Variants in PAF1 observed in about 807,000 individuals in gnomAD.
The protein encoded by PAF1 is PAF1 component of Paf1/RNA polymerase II complex, also known as RNA polymerase II-associated factor 1 homolog.
Under a neutral mutation model 68.4 loss-of-function variants are expected in PAF1, and 31 were observed. That is an observed-to-expected ratio of 0.45 (90% CI 0.34 to 0.61). The LOEUF is 0.61. Among genes scored for constraint, PAF1 ranks in the 20% least tolerant of loss-of-function variants. The pLI, the probability that PAF1 is intolerant of heterozygous loss-of-function variation, is 0.01. For synonymous variants in PAF1, 256 were observed against 240.5 expected (o/e 1.06, Z -0.60); for missense variants, 435 against 692.9 (o/e 0.63, Z 4.18).
chr19:39,387,629 C>G (rs1016833795), intron 11 of PAF1, among the ~76,000 whole-genome samples: 12 of 152,184 alleles, frequency 7.9e-5, no homozygotes, highest in Admixed American at 5.9e-4. Context: ...AACTCTACAC[C>G]AGAGGTGCTG....
rs370482806 is a variant in PAF1 at position 39,388,870 on chromosome 19, G to C, written c.637-5C>G. ...AGCACATGGATTGATCCACATCTAG[G>C]GAGATGGAGGCACTGGGGTTAGATG... On this transcript the variant is annotated splice_region_variant and splice_polypyrimidine_tract_variant and intron_variant, in intron 8 of 13. Coordinates refer to ENST00000221265, the MANE Select transcript of PAF1 (RefSeq NM_019088.4). The C allele has an allele frequency of 1.1e-5, 18 of 1,613,112 alleles. No individual in the cohort carries two copies. Among genetic ancestry groups the C allele is most frequent in the Admixed American group, 8.3e-5 (5 of 59,998 alleles).
intron 11 of PAF1, among the ~76,000 whole-genome samples, chr19:39,387,469 G>A (rs2078278000): frequency 6.6e-6 from 1 of 152,210 alleles, no homozygotes; most frequent in Non-Finnish European, 1.5e-5. Flanking sequence ...CACAGCAACA[G>A]TGGGCTGGAA....
intron 1 of PAF1, among the ~76,000 whole-genome samples, chr19:39,390,519 T>G (rs759936786): frequency 2.0e-5 from 3 of 152,192 alleles, no homozygotes; most frequent in Non-Finnish European, 4.4e-5. Flanking sequence ...CTCAATCCCT[T>G]TTGCAGGAGA....
At position 39,385,672 on chromosome 19, in the gene PAF1, A is replaced by G. The variant is rs977101106; in HGVS notation, c.*319T>C. 5.5e-5 allele frequency: 20 copies of G among 361,164 alleles called. No individual in the cohort carries two copies. The highest frequency in any genetic ancestry group is 1.5e-4 in the African/African-American group (7 of 45,868). The allele number at this position is 361,164 out of a possible 1,614,324, so 22.4% of individuals were successfully genotyped here. ...GTTTAATGGTCTGGGCTTATTTTGGAAAAAAAAAAAACAAACAAAAAAAAC... is the reference window on the plus strand; with the variant it reads ...GTTTAATGGTCTGGGCTTATTTTGGGAAAAAAAAAAACAAACAAAAAAAAC... On this transcript the variant is annotated 3_prime_UTR_variant, in exon 14 of 14. Coordinates refer to ENST00000221265, the MANE Select transcript of PAF1 (RefSeq NM_019088.4).
At position 39,390,283 on chromosome 19, in the gene PAF1, A is replaced by C; in HGVS notation, c.54T>G (p.Asn18Lys). The C allele has an allele frequency of 6.2e-7, 1 of 1,612,348 alleles. No homozygotes were observed. The highest frequency in any genetic ancestry group is 8.5e-7 in the Non-Finnish European group (1 of 1,178,956). Residue 18 changes from asparagine (N) to lysine (K), a missense_variant, in exon 2 of 14, where the codon AAT becomes AAG. By Grantham distance (94) the Asn-to-Lys change is moderately conservative. This residue lies in a region of PAF1 where 38 missense variants were observed against 33.9 expected (regional missense o/e 1.12). Transcript: ENST00000221265. The stretch of plus-strand genomic sequence containing the variant: ...ACCTCTCAGGCAGAGTCCGGTGGGA[A>C]TTGGGCCTAGTGGAGAAGAAAGAAA... ...QAQREDGHRP[N>K]SHRTLPERSG...
chr19:39,389,264 T>C lies in PAF1; in HGVS notation c.461+18A>G. On this transcript the variant is annotated intron_variant, in intron 6 of 13. Transcript: ENST00000221265. This position sits in a 1 kb window ranked among gnomAD's most constrained non-coding sequence, Gnocchi z 5.3. ...ACCTAATATCTCCACCTTCCCTCTC[T>C]TCCTGTTAGTAACTTACTTGACCTC... The C allele has an allele frequency of 6.2e-7, 1 of 1,611,722 alleles. No individual in the cohort carries two copies. The highest frequency in any genetic ancestry group is 1.3e-5 in the African/African-American group (1 of 74,998).
At position 39,389,347 on chromosome 19, in the gene PAF1, T is replaced by C; in HGVS notation, c.396A>G (p.Arg132=). The part of the protein sequence containing the change: ...QQHAKVVPWM[R]KTEYISTEFN... ...ACTCAGTGGAGATGTACTCTGTCTTTCGCATCCATGGCACCACCTTCGCGT... is the reference window on the plus strand; with the variant it reads ...ACTCAGTGGAGATGTACTCTGTCTTCCGCATCCATGGCACCACCTTCGCGT... Residue 132 remains arginine, a synonymous_variant, in exon 6 of 14, where the codon CGA becomes CGG. Coordinates refer to ENST00000221265, the MANE Select transcript of PAF1 (RefSeq NM_019088.4). The surrounding 1 kb of genome is among the most constrained non-coding windows in gnomAD (Gnocchi z 5.3). 1 of 1,614,178 alleles carries C rather than the reference T, an allele frequency of 6.2e-7. No individual in the cohort carries two copies. Among genetic ancestry groups the C allele is most frequent in the South Asian group, 1.1e-5 (1 of 91,080 alleles).
chr19:39,391,065 C>G lies in PAF1; in HGVS notation c.-201G>C, dbSNP rs1160980891. On this transcript the variant is annotated 5_prime_UTR_variant, in exon 1 of 14. Transcript: ENST00000221265. ...GTGAACGCGCAGGCAGCACCGGGGA[C>G]GGACTCGAAGCTCCGGTTCCACCAA... 3 of 633,680 alleles carry G rather than the reference C, an allele frequency of 4.7e-6. No individual in the cohort carries two copies. The East Asian group carries it at 8.4e-5, about 18-fold the overall frequency. 39.3% of individuals were successfully genotyped at this position (633,680 alleles called of 1,614,324 possible).
chr19:39,385,712 G>A lies in PAF1; in HGVS notation c.*279C>T, dbSNP rs939517612. 2.3e-5 allele frequency: 12 copies of A among 523,270 alleles called. No homozygotes were observed. The highest frequency in any genetic ancestry group is 7.3e-5 in the Admixed American group (2 of 27,508). 32.4% of individuals were successfully genotyped at this position (523,270 alleles called of 1,614,324 possible). On this transcript the variant is annotated 3_prime_UTR_variant, in exon 14 of 14. Transcript: ENST00000221265. ...ACAAAAAAAACGAATTCTGACCTTC[G>A]TTGTGCTACATTTTGTGGGAAACCA...
At chr19:39,387,187 C>A (rs1256076253) in intron 11 of PAF1, 2 of 435,928 alleles carry the variant, frequency 4.6e-6, no homozygotes, top group Non-Finnish European at 9.1e-6. Context: ...GCCTATTGCT[C>A]CTAGGCTACA....
At position 39,386,600 on chromosome 19, in the gene PAF1, G is replaced by A; in HGVS notation, c.1093-28C>T. The A allele has an allele frequency of 6.2e-7, 1 of 1,611,742 alleles. No homozygotes were observed. The highest frequency in any genetic ancestry group is 2.2e-5 in the East Asian group (1 of 44,872). On this transcript the variant is annotated intron_variant, in intron 12 of 13. Coordinates refer to ENST00000221265, the MANE Select transcript of PAF1 (RefSeq NM_019088.4). This position sits in a 1 kb window ranked among gnomAD's most constrained non-coding sequence, Gnocchi z 6.1. ...GGAAGCAGCAAGATTGGAATGAGGG[G>A]AAGGAGGGTGTTCTGCTGGGTTTTT...
At position 39,388,398 on chromosome 19, in the gene PAF1, T is replaced by C; in HGVS notation, c.927A>G (p.Glu309=). The C allele has an allele frequency of 6.2e-7, 1 of 1,614,126 alleles. No homozygotes were observed. The highest frequency in any genetic ancestry group is 1.7e-5 in the Admixed American group (1 of 60,004). Residue 309 remains glutamate (E), a synonymous_variant, in exon 11 of 14, where the codon GAA becomes GAG. Transcript: ENST00000221265. ...CCTCTCGGAAGATGAAGAAGTAGTT[T>C]TCCTCATAGCCCTTGCTAGCTTTGT... ...VKNKASKGYE[E]NYFFIFREGD...
In PAF1 at chr19:39,385,877, G is replaced by A. The variant is rs1388203992; in HGVS notation, c.*114C>T. The A allele has an allele frequency of 1.4e-6, 2 of 1,465,280 alleles. No individual in the cohort carries two copies. Among genetic ancestry groups the A allele is most frequent in the Middle Eastern group, 3.5e-4 (2 of 5,672 alleles). 90.8% of individuals were successfully genotyped at this position (1,465,280 alleles called of 1,614,324 possible). ...TAAAGAGAAGTTGACTTTATTAACA[G>A]CAAAGGTTTGGGGGTGGGGAACAAA... On this transcript the variant is annotated 3_prime_UTR_variant, in exon 14 of 14. Transcript: ENST00000221265.
At position 39,390,911 on chromosome 19, in the gene PAF1, G is replaced by GGGGGACGCAGAGGGGCGTGCCGACTTCA; in HGVS notation, c.-75_-48dup. 2 of 1,548,846 alleles carry GGGGGACGCAGAGGGGCGTGCCGACTTCA rather than the reference G, an allele frequency of 1.3e-6. No homozygotes were observed. The highest frequency in any genetic ancestry group is 1.7e-6 in the Non-Finnish European group (2 of 1,143,848). On this transcript the variant is annotated 5_prime_UTR_variant, in exon 1 of 14. Coordinates refer to ENST00000221265, the MANE Select transcript of PAF1 (RefSeq NM_019088.4). ...CGGACGGGGTCCTAGCGGGACCGAA[G>GGGGGACGCAGAGGGGCGTGCCGACTTCA]GGGGACGCAGAGGGGCGTGCCGACT...
In PAF1 at chr19:39,386,306, C is replaced by T; in HGVS notation, c.1281G>A (p.Glu427=). The T allele has an allele frequency of 1.2e-6, 2 of 1,614,174 alleles. No homozygotes were observed. The highest frequency in any genetic ancestry group is 1.7e-6 in the Non-Finnish European group (2 of 1,180,032). ...CACCACTGCCACTCTTGTCACTGGC[C>T]TCGTCCCTGTCACCTTCCTCCCGTT... The part of the protein sequence containing the change: ...ESEREEGDRD[E]ASDKSGSGED... Residue 427 remains glutamate, a synonymous_variant, in exon 14 of 14, where the codon GAG becomes GAA. Coordinates refer to ENST00000221265, the MANE Select transcript of PAF1 (RefSeq NM_019088.4). The surrounding 1 kb of genome is among the most constrained non-coding windows in gnomAD (Gnocchi z 6.1).
At chr19:39,390,694 G>T in intron 1 of PAF1, 124 bp downstream of exon 1, 1 of 1,024,322 alleles carries the variant, frequency 9.8e-7, no homozygotes, top group Non-Finnish European at 1.5e-6. Flanking sequence ...GAAGGAACCC[G>T]CCCCCTTCGT....
rs369592099 is a variant in PAF1, at chr19:39,388,073, G to A, written c.986+266C>T. ...GGAGAATCACTTGAACCCAGGAAGC[G>A]GAGGTTGCAGTGGGCTGAGATCACA... On this transcript the variant is annotated intron_variant, in intron 11 of 13. Coordinates refer to ENST00000221265, the MANE Select transcript of PAF1 (RefSeq NM_019088.4). Among the ~76,000 whole-genome samples, 40 of 152,294 alleles carry A rather than the reference G, an allele frequency of 2.6e-4. No homozygotes were observed. The East Asian group carries it at 2.7e-3, about 10-fold the overall frequency.
intron 9 of PAF1, 26 bp downstream of exon 9, chr19:39,388,736 C>A: frequency 6.2e-7 from 1 of 1,608,186 alleles, no homozygotes; most frequent in Non-Finnish European, 8.5e-7. Context: ...AAGGAGCAGG[C>A]CAAGGTGGAC....
chr19:39,386,183 A>C lies in PAF1; in HGVS notation c.1404T>G (p.Asp468Glu). ...ADSEDDADSD[D>E]EDRGQAQGGS... ...CACCTTGGGCCTGTCCTCTGTCCTC[A>C]TCATCAGAGTCGGCATCGTCCTCAG... The change falls in exon 14 of 14, where the codon GAT (aspartate) becomes GAG (glutamate). Residue 468 changes from aspartate to glutamate, a missense_variant. Physicochemically the swap from Asp to Glu is conservative, Grantham distance 45 (BLOSUM62 2). Around this residue, in one of 7 missense-constraint regions of PAF1, gnomAD observed 83 missense variants for 99.9 expected, o/e 0.83. Transcript: ENST00000221265. This position sits in a 1 kb window ranked among gnomAD's most constrained non-coding sequence, Gnocchi z 6.1. 1 of 1,614,086 alleles carries C rather than the reference A, an allele frequency of 6.2e-7. No homozygotes were observed.
Sources: allele counts gnomAD v4.1 joint callset (sites outside exome capture counted in the v4.1 genomes callset), GRCh38; gene constraint gnomAD v4.1.1; regional missense constraint gnomAD v4.1.1; non-coding constraint Gnocchi (gnomAD v3.1); transcripts MANE v1.5; gene names NCBI Gene and HGNC (gene_info 2026-07-23, HGNC 2026-07-21).